ATP2B1: variants seen among roughly 807,000 people sequenced by gnomAD.
ATP2B1 encodes ATPase plasma membrane Ca2+ transporting 1, also known as plasma membrane calcium-transporting ATPase 1.
In ATP2B1, 14 loss-of-function variants were observed where a neutral mutation model predicts 124.2. That is an observed-to-expected ratio of 0.11 (90% CI 0.07 to 0.18). ATP2B1 has a LOEUF of 0.18. Among genes scored for constraint, ATP2B1 ranks in the 10% least tolerant of loss-of-function variants. The pLI is 1.00. For synonymous variants in ATP2B1, 449 were observed against 492.4 expected, an observed-to-expected ratio of 0.91 and a Z score of 1.17; for missense variants, 763 against 1,466.1, an observed-to-expected ratio of 0.52 and a Z score of 7.83.
chr12:89,617,132 T>TCTGA, intron 11 of ATP2B1, 93 bp from the exon 12 acceptor site: 1 of 892,064 alleles, frequency 1.1e-6, no homozygotes, highest in Non-Finnish European at 1.8e-6. Flanking sequence ...AATCATGGGA[T>TCTGA]CTGATATCTG....
chr12:89,610,558 T>C (rs372416134), intron 13 of ATP2B1, 50 bp from the exon 14 acceptor site: 2 of 1,436,842 alleles, frequency 1.4e-6, no homozygotes, highest in African/African-American at 2.8e-5. Context: ...GTTTCTTAAA[T>C]CCTAATGAGC....
chr12:89,676,797 A>G (rs1888662727), intron 1 of ATP2B1, among the ~76,000 whole-genome samples: 1 of 152,148 alleles, frequency 6.6e-6, no homozygotes, highest in Non-Finnish European at 1.5e-5. Context: ...CTGGCTCCAC[A>G]GTCTTACAAG....
intron 2 of ATP2B1, among the ~76,000 whole-genome samples, chr12:89,649,998 T>C (rs1885031041): frequency 6.6e-6 from 1 of 152,182 alleles, no homozygotes; most frequent in African/African-American, 2.4e-5. Flanking sequence ...AAAATCTCCC[T>C]GAGGACTCAC....
Position 89,590,503 on chromosome 12 carries a change from C to T in ATP2B1, c.*481G>A, listed in dbSNP as rs1382620597. The T allele has an allele frequency of 2.0e-5, 3 of 150,562 alleles. No homozygotes were observed. The highest frequency in any genetic ancestry group is 4.4e-5 in the Non-Finnish European group (3 of 67,624). 9.3% of individuals were successfully genotyped at this position (150,562 alleles called of 1,614,324 possible). Reference sequence around the variant, plus strand: ...TATAAGGAAGCTTCCCATCTATGAACAGGAACAAAAAAAGTATCTACAAAC... The same window carrying T: ...TATAAGGAAGCTTCCCATCTATGAATAGGAACAAAAAAAGTATCTACAAAC... On this transcript the variant is annotated 3_prime_UTR_variant, in exon 21 of 21. Coordinates refer to ENST00000428670, the MANE Select transcript of ATP2B1 (RefSeq NM_001366521.1).
chr12:89,648,874 C>T (rs1272336783), intron 2 of ATP2B1, among the ~76,000 whole-genome samples: 1 of 152,254 alleles, frequency 6.6e-6, no homozygotes, highest in East Asian at 1.9e-4. Flanking sequence ...GCTGCTCTGG[C>T]TCCAGCCTCT....
chr12:89,662,264 C>T (rs1326590775), intron 1 of ATP2B1, among the ~76,000 whole-genome samples: 1 of 152,092 alleles, frequency 6.6e-6, no homozygotes, highest in East Asian at 1.9e-4. Context: ...ACCCGATTCA[C>T]ACCCTAAAAA....
intron 20 of ATP2B1, among the ~76,000 whole-genome samples, chr12:89,598,039 C>CAAAAAAAAAAAAAA (rs10661138): frequency 1.8e-4 from 11 of 60,526 alleles, no homozygotes; most frequent in East Asian, 6.1e-4. Flanking sequence ...CACAACCAAG[C>CAAAAAAAAAAAAAA]AAAAAAAAAA....
chr12:89,651,133 T>A (rs776139272), intron 2 of ATP2B1, among the ~76,000 whole-genome samples: 5 of 152,252 alleles, frequency 3.3e-5, no homozygotes, highest in Admixed American at 2.0e-4. Context: ...TGGGAAGTTT[T>A]TAATATGAAA....
At chr12:89,643,249 CACACACATAT>C (rs998983044) in intron 2 of ATP2B1, among the ~76,000 whole-genome samples, 3 of 150,496 alleles carry the variant, frequency 2.0e-5, no homozygotes, top group African/African-American at 7.3e-5. Context: ...TGTATATATA[CACACACATAT>C]ACACATATAT....
intron 19 of ATP2B1, among the ~76,000 whole-genome samples, chr12:89,600,849 A>G (rs1216015509): frequency 1.3e-5 from 2 of 152,038 alleles, no homozygotes; most frequent in Non-Finnish European, 2.9e-5. Context: ...GGGTTTCACC[A>G]TGTTGGCCAG....
chr12:89,659,344 T>C (rs1013699186), intron 1 of ATP2B1, among the ~76,000 whole-genome samples: 1 of 146,096 alleles, frequency 6.8e-6, no homozygotes, highest in African/African-American at 2.5e-5. Context: ...TGGTAGTCTT[T>C]GAGGTATTAC....
chr12:89,632,230 A>C (rs374602653), intron 5 of ATP2B1, among the ~76,000 whole-genome samples: 3 of 152,182 alleles, frequency 2.0e-5, no homozygotes, highest in African/African-American at 7.2e-5. Flanking sequence ...ATCTACCATA[A>C]TCTTATGAAC....
intron 20 of ATP2B1, 23 bp downstream of exon 20, chr12:89,599,094 C>T: frequency 6.2e-7 from 1 of 1,608,568 alleles, no homozygotes; most frequent in Middle Eastern, 1.7e-4. Context: ...ATCATCTCTC[C>T]TACCTCTCTA....
intron 1 of ATP2B1, among the ~76,000 whole-genome samples, chr12:89,663,462 T>C (rs1390355847): frequency 6.6e-6 from 1 of 152,190 alleles, no homozygotes; most frequent in Non-Finnish European, 1.5e-5. Context: ...GAAAAATAAT[T>C]TGTTAGGGTT....
intron 10 of ATP2B1, among the ~76,000 whole-genome samples, chr12:89,620,903 G>A (rs924197707): frequency 6.6e-5 from 10 of 152,100 alleles, no homozygotes; most frequent in Non-Finnish European, 1.5e-4. Flanking sequence ...ATTCATGTAT[G>A]TTTTCCCTAA....
At chr12:89,690,650 G>C (rs1592988162) in intron 1 of ATP2B1, among the ~76,000 whole-genome samples, 1 of 150,994 alleles carries the variant, frequency 6.6e-6, no homozygotes, top group African/African-American at 2.4e-5. Context: ...TGACATGAAT[G>C]CTTTCTAAGA....
chr12:89,602,149 G>C (rs1477274255), intron 18 of ATP2B1, among the ~76,000 whole-genome samples: 1 of 152,112 alleles, frequency 6.6e-6, no homozygotes, highest in Non-Finnish European at 1.5e-5. Flanking sequence ...GAATTAACTG[G>C]GGTTGGGTGT....
chr12:89,672,682 C>T (rs1888143924), intron 1 of ATP2B1, among the ~76,000 whole-genome samples: 1 of 152,110 alleles, frequency 6.6e-6, no homozygotes, highest in Non-Finnish European at 1.5e-5. Context: ...CTTTCTGCCT[C>T]TCTCCCACCC....
intron 1 of ATP2B1, among the ~76,000 whole-genome samples, chr12:89,660,120 T>A (rs1380439441): frequency 2.0e-5 from 3 of 152,166 alleles, no homozygotes; most frequent in African/African-American, 2.4e-5. Context: ...TATATGCTAA[T>A]ACAACTAAAT....
Sources: gnomAD v4.1 joint callset for allele counts (sites outside exome capture counted in the v4.1 genomes callset) on GRCh38, gnomAD v4.1.1 for gene constraint, MANE v1.5 for transcripts, NCBI Gene and HGNC (gene_info 2026-07-23, HGNC 2026-07-21) for gene names.